The following IL19 variants were observed in gnomAD, a reference collection of about 807,000 sequenced individuals.
IL19 encodes interleukin 19.
A neutral mutation model predicts 19.5 loss-of-function variants in IL19; 15 were observed. The observed-to-expected ratio is 0.77, with a 90% CI of 0.52 to 1.19. IL19 has a LOEUF of 1.19. Among genes scored for constraint, IL19 ranks in the 50% most tolerant of loss-of-function variants. IL19 has a pLI of 0.00. For missense variants in IL19, 199 were observed against 213.1 expected (o/e 0.93, Z 0.41); for synonymous variants, 78 against 78.3 (o/e 1.00, Z 0.02).
At chr1:206,771,442 A>C (rs917495204) in intron 1 of IL19, 6 of 1,577,968 alleles carry the variant, frequency 3.8e-6, no homozygotes, top group Non-Finnish European at 5.2e-6. Flanking sequence ...AGGAGAATGA[A>C]CTTGAGGTTT....
At chr1:206,826,468 T>C (rs1676435381) in intron 2 of IL19, among the ~76,000 whole-genome samples, 1 of 152,196 alleles carries the variant, frequency 6.6e-6, no homozygotes, top group Admixed American at 6.5e-5. Context: ...ACAATGTGGA[T>C]GCAAGATGCA....
intron 6 of IL19, 70 bp from the exon 7 acceptor site, chr1:206,842,457 T>TA: frequency 1.1e-6 from 1 of 918,178 alleles, no homozygotes. Flanking sequence ...AACCAGCATA[T>TA]GAAGAAAGTG....
intron 4 of IL19, 98 bp downstream of exon 4, chr1:206,837,121 T>A: frequency 1.1e-6 from 1 of 949,760 alleles, no homozygotes; most frequent in Non-Finnish European, 1.6e-6. Flanking sequence ...TTCTCTTTCC[T>A]AATCTCCAAT....
intron 1 of IL19, among the ~76,000 whole-genome samples, chr1:206,777,467 G>A (rs1675040220): frequency 6.6e-6 from 1 of 151,604 alleles, no homozygotes; most frequent in Non-Finnish European, 1.5e-5. Flanking sequence ...CAAAATGGCA[G>A]CCTTCTTGGT....
At chr1:206,831,586 A>G (rs1378151872) in intron 2 of IL19, among the ~76,000 whole-genome samples, 1 of 152,216 alleles carries the variant, frequency 6.6e-6, no homozygotes, top group African/African-American at 2.4e-5. Context: ...TAAAATTGAT[A>G]ATAAATGTCA....
At chr1:206,787,532 A>G (rs1448177098) in intron 1 of IL19, among the ~76,000 whole-genome samples, 1 of 152,180 alleles carries the variant, frequency 6.6e-6, no homozygotes, top group East Asian at 1.9e-4. Context: ...CGATTCTCAA[A>G]TGGTAAAGAC....
chr1:206,817,866 C>A (rs770480461), intron 2 of IL19, among the ~76,000 whole-genome samples: 9 of 151,832 alleles, frequency 5.9e-5, no homozygotes, highest in African/African-American at 2.2e-4. Flanking sequence ...TGGGTTCAAG[C>A]GATTCTCCTG....
chr1:206,820,145 C>T (rs1676258476), intron 2 of IL19, among the ~76,000 whole-genome samples: 1 of 152,184 alleles, frequency 6.6e-6, no homozygotes, highest in Non-Finnish European at 1.5e-5. Flanking sequence ...TCCATATGCT[C>T]ACTCGCCTTC....
intron 1 of IL19, among the ~76,000 whole-genome samples, chr1:206,775,041 G>A (rs1183764441): frequency 1.3e-5 from 2 of 150,774 alleles, no homozygotes; most frequent in East Asian, 3.9e-4. Context: ...GTTAGGATCT[G>A]ACTTCTTTTT....
At position 206,836,764 on chromosome 1, in the gene IL19, G is replaced by A; in HGVS notation, c.102G>A (p.Met34Ile). The A allele has an allele frequency of 6.2e-7, 1 of 1,614,082 alleles. No individual in the cohort carries two copies. The highest frequency in any genetic ancestry group is 8.5e-7 in the Non-Finnish European group (1 of 1,179,960). The change falls in exon 3 of 7, where the codon ATG (methionine) becomes ATA (isoleucine). Residue 34 changes from methionine to isoleucine, a missense_variant. Physicochemically the swap from Met to Ile is conservative, Grantham distance 10. Coordinates refer to ENST00000659997, the MANE Select transcript of IL19 (RefSeq NM_153758.5). The part of the protein sequence containing the change: ...GLRRCLISTD[M>I]HHIEESFQEI... The stretch of plus-strand genomic sequence containing the variant: ...GGAGATGTCTGATTTCCACAGACAT[G>A]CACCATATAGAAGAGAGTTTCCAAG...
intron 1 of IL19, among the ~76,000 whole-genome samples, chr1:206,796,479 G>T (rs891638427): frequency 1.3e-5 from 2 of 152,124 alleles, no homozygotes; most frequent in Non-Finnish European, 2.9e-5. Flanking sequence ...TCCCCCATGA[G>T]TTCCTGTAGG....
chr1:206,814,725 C>CAA (rs1553440958), intron 2 of IL19, among the ~76,000 whole-genome samples: 1,724 of 145,754 alleles, frequency 0.012, 34 homozygotes, highest in African/African-American at 0.041. Flanking sequence ...CACACACACA[C>CAA]AATTCACTTT....
chr1:206,775,577 G>A (rs1674973184), intron 1 of IL19, among the ~76,000 whole-genome samples: 1 of 152,170 alleles, frequency 6.6e-6, no homozygotes. Context: ...TAGTATTTCT[G>A]TCAAGAGATA....
intron 2 of IL19, among the ~76,000 whole-genome samples, chr1:206,799,282 G>C (rs913751715): frequency 6.6e-6 from 1 of 152,056 alleles, no homozygotes; most frequent in African/African-American, 2.4e-5. Flanking sequence ...TTCCCCATCA[G>C]CTCCCATACT....
Position 206,776,862 on chromosome 1 carries a change from C to G in IL19, c.-149+5784C>G, listed in dbSNP as rs547466877. On this transcript the variant is annotated intron_variant, in intron 1 of 6. Coordinates refer to ENST00000659997, the MANE Select transcript of IL19 (RefSeq NM_153758.5). ...AATGGCTACCCTCTTTGGGTCCCTT[C>G]CCTTTGTATGGGAGCTCTGTTTTCA... Among the ~76,000 whole-genome samples, 3 of 145,232 alleles carry G rather than the reference C, an allele frequency of 2.1e-5. No homozygotes were observed. In the East Asian group the frequency reaches 5.9e-4, roughly 29 times the overall value.
intron 4 of IL19, among the ~76,000 whole-genome samples, chr1:206,837,774 C>T (rs1286550669): frequency 6.6e-6 from 1 of 152,110 alleles, no homozygotes; most frequent in Non-Finnish European, 1.5e-5. Flanking sequence ...ATTGCTTGAG[C>T]CTGGGAGGTC....
At chr1:206,793,117 C>T (rs936505316) in intron 1 of IL19, among the ~76,000 whole-genome samples, 4 of 152,202 alleles carry the variant, frequency 2.6e-5, no homozygotes, top group Admixed American at 2.6e-4. Flanking sequence ...GGGACACCCA[C>T]GCAAGCCACT....
chr1:206,792,215 T>C (rs1675424302), intron 1 of IL19, among the ~76,000 whole-genome samples: 2 of 152,192 alleles, frequency 1.3e-5, no homozygotes, highest in African/African-American at 4.8e-5. Flanking sequence ...GCCCACCCAC[T>C]TCCTGAGTGA....
intron 2 of IL19, among the ~76,000 whole-genome samples, chr1:206,832,803 T>C (rs140359561): frequency 2.6e-5 from 4 of 152,322 alleles, no homozygotes; most frequent in African/African-American, 9.6e-5. Context: ...ACCACTATAG[T>C]CTACCACTTC....
Sources: allele counts gnomAD v4.1 joint callset (sites outside exome capture counted in the v4.1 genomes callset), GRCh38; gene constraint gnomAD v4.1.1; transcripts MANE v1.5; gene names NCBI Gene and HGNC (gene_info 2026-07-23, HGNC 2026-07-21).